The following AQP1 variants were observed in gnomAD, a reference collection of about 807,000 sequenced individuals.
AQP1 encodes aquaporin 1 (Colton blood group), also known as aquaporin-1.
AQP1 carries 11 observed loss-of-function variants against 19.7 expected under a neutral mutation model. The observed-to-expected ratio is 0.56, with a 90% confidence interval of 0.35 to 0.92. The LOEUF (loss-of-function observed/expected upper bound fraction) is 0.92, where lower values mean the gene tolerates loss of function less well. AQP1 is among the 40% of genes least tolerant of loss of function. The pLI is 0.01. For synonymous variants in AQP1, 159 were observed against 166.7 expected (o/e 0.95, Z 0.36); for missense variants, 320 against 369.7 (o/e 0.87, Z 1.10).
In AQP1 at chr7:30,922,200, C is replaced by T. The variant is rs1366481217; in HGVS notation, c.519C>T (p.Gly173=). The T allele has an allele frequency of 6.2e-7, 1 of 1,610,300 alleles. No individual in the cohort carries two copies. The highest frequency in any genetic ancestry group is 1.3e-5 in the African/African-American group (1 of 74,930). ...GTGGCTCAGCCCCCCTTGCCATCGG[C>T]CTCTCTGTAGCCCTTGGACACCTCC... The part of the protein sequence containing the change: ...DLGGSAPLAI[G]LSVALGHLLA... The change falls in exon 2 of 4, where the codon GGC becomes GGT. Residue 173 remains glycine, a synonymous_variant. Coordinates refer to ENST00000311813, the MANE Select transcript of AQP1 (RefSeq NM_198098.4).
chr7:30,922,043 C>T, intron 1 of AQP1, 23 bp from the exon 2 acceptor site: 2 of 1,613,318 alleles, frequency 1.2e-6, no homozygotes, highest in Non-Finnish European at 1.7e-6. Context: ...CTCACCAGTC[C>T]TCACCACCTC....
intron 1 of AQP1, among the ~76,000 whole-genome samples, chr7:30,917,243 A>G (rs1004317): frequency 0.52 from 79,120 of 152,056 alleles, 23,252 homozygotes; most frequent in African/African-American, 0.82. Context: ...TCTTACGTGG[A>G]GGACACACAC....
chr7:30,912,078 G>C lies in AQP1; in HGVS notation c.169G>C (p.Gly57Arg). The C allele has an allele frequency of 1.2e-6, 2 of 1,613,348 alleles. No homozygotes were observed. Among genetic ancestry groups the C allele is most frequent in the Non-Finnish European group, 1.7e-6 (2 of 1,180,040 alleles). The change falls in exon 1 of 4, where the codon GGG (glycine) becomes CGG (arginine). Residue 57 changes from glycine (G) to arginine (R), a missense_variant. Coordinates refer to ENST00000311813, the MANE Select transcript of AQP1 (RefSeq NM_198098.4). This position sits in a 1 kb window ranked among gnomAD's most constrained non-coding sequence, Gnocchi z 4.3. ...CAACGTGAAGGTGTCGCTGGCCTTCGGGCTGAGCATCGCCACGCTGGCGCA... is the reference window on the plus strand; with the variant it reads ...CAACGTGAAGGTGTCGCTGGCCTTCCGGCTGAGCATCGCCACGCTGGCGCA... ...QDNVKVSLAF[G>R]LSIATLAQSV...
rs983133460 is a variant in AQP1, at chr7:30,923,458, G to C, written c.639G>C (p.Trp213Cys). Residue 213 changes from tryptophan to cysteine, a missense_variant, in exon 4 of 4, where the codon TGG becomes TGC. Trp to Cys is a radical substitution (Grantham distance 215). Transcript: ENST00000311813. This position sits in a 1 kb window ranked among gnomAD's most constrained non-coding sequence, Gnocchi z 4.8. The part of the protein sequence containing the change: ...THNFSNHWIF[W>C]VGPFIGGALA... ...ACCTGCTCTGTTCCTAGATTTTCTG[G>C]GTGGGGCCATTCATCGGGGGAGCCC... is the stretch of plus-strand genomic sequence containing the variant. 9 of 1,613,806 alleles carry C rather than the reference G, an allele frequency of 5.6e-6. No homozygotes were observed. The highest frequency in any genetic ancestry group is 1.7e-5 in the Admixed American group (1 of 60,006).
Position 30,922,203 on chromosome 7 carries a change from C to T in AQP1, c.522C>T (p.Leu174=). ...LGGSAPLAIG[L]SVALGHLLAI... ...GCTCAGCCCCCCTTGCCATCGGCCT[C>T]TCTGTAGCCCTTGGACACCTCCTGG... Residue 174 remains leucine (L), a synonymous_variant, in exon 2 of 4, where the codon CTC becomes CTT. Transcript: ENST00000311813. The T allele has an allele frequency of 6.2e-7, 1 of 1,609,476 alleles. No homozygotes were observed. The highest frequency in any genetic ancestry group is 8.5e-7 in the Non-Finnish European group (1 of 1,179,770).
chr7:30,917,817 G>T (rs1015695805), intron 1 of AQP1, among the ~76,000 whole-genome samples: 1 of 152,108 alleles, frequency 6.6e-6, no homozygotes, highest in Non-Finnish European at 1.5e-5. Context: ...CATGTTATTG[G>T]TAGTTTTCGG....
intron 1 of AQP1, among the ~76,000 whole-genome samples, chr7:30,918,567 G>A (rs1037307213): frequency 6.6e-6 from 1 of 152,182 alleles, no homozygotes; most frequent in African/African-American, 2.4e-5. Context: ...GGCAGGCCTC[G>A]ATGTCTCCTA....
At chr7:30,922,008 T>G in intron 1 of AQP1, 58 bp from the exon 2 acceptor site, 2 of 1,608,352 alleles carry the variant, frequency 1.2e-6, no homozygotes, top group Non-Finnish European at 1.7e-6. Context: ...CTTGGGGTCC[T>G]GGGACACAGT....
rs575472927 is a variant in AQP1 at position 30,923,587 on chromosome 7, T to C, written c.768T>C (p.Asp256=). The C allele has an allele frequency of 1.9e-6, 3 of 1,600,060 alleles. No homozygotes were observed. The highest frequency in any genetic ancestry group is 2.6e-6 in the Non-Finnish European group (3 of 1,173,314). Reference sequence around the variant, plus strand: ...GCCAGGTGGAGGAGTATGACCTGGATGCCGACGACATCAACTCCAGGGTGG... The same window carrying C: ...GCCAGGTGGAGGAGTATGACCTGGACGCCGACGACATCAACTCCAGGGTGG... The part of the protein sequence containing the change: ...TSGQVEEYDL[D]ADDINSRVEM... Residue 256 remains aspartate (D), a synonymous_variant, in exon 4 of 4, where the codon GAT becomes GAC. Transcript: ENST00000311813. The surrounding 1 kb of genome is among the most constrained non-coding windows in gnomAD (Gnocchi z 4.8).
In AQP1 at chr7:30,922,592, C is replaced by G; in HGVS notation, c.578C>G (p.Pro193Arg). Reference sequence around the variant, plus strand: ...GACTACACTGGCTGTGGGATTAACCCTGCTCGGTCCTTTGGCTCCGCGGTG... The same window carrying G: ...GACTACACTGGCTGTGGGATTAACCGTGCTCGGTCCTTTGGCTCCGCGGTG... ...AIDYTGCGIN[P>R]ARSFGSAVIT... is the part of the protein sequence containing the mutation. The change falls in exon 3 of 4, where the codon CCT (proline) becomes CGT (arginine). Residue 193 changes from proline to arginine, a missense_variant. Pro to Arg is a moderately radical substitution (Grantham distance 103). Coordinates refer to ENST00000311813, the MANE Select transcript of AQP1 (RefSeq NM_198098.4). 1 of 1,614,182 alleles carries G rather than the reference C, an allele frequency of 6.2e-7. No homozygotes were observed. The highest frequency in any genetic ancestry group is 1.1e-5 in the South Asian group (1 of 91,082).
rs1234796373 is a variant in AQP1, at chr7:30,924,117, AGCTTT to A, written c.*492_*496del. 22 of 1,193,250 alleles carry A rather than the reference AGCTTT, an allele frequency of 1.8e-5. No homozygotes were observed. In the East Asian group the frequency reaches 1.2e-3, roughly 67 times the overall value. 73.9% of individuals were successfully genotyped at this position (1,193,250 alleles called of 1,614,324 possible). On this transcript the variant is annotated 3_prime_UTR_variant, in exon 4 of 4. Transcript: ENST00000311813. ...CCCAGGAGGTGCAGTGGAGGGGGCAAGCTTTGCTCCTTCAGTTCTGCTTGCTCCCA... is the reference window on the plus strand; with the variant it reads ...CCCAGGAGGTGCAGTGGAGGGGGCAAGCTCCTTCAGTTCTGCTTGCTCCCA...
At chr7:30,918,224 C>A (rs1330495336) in intron 1 of AQP1, among the ~76,000 whole-genome samples, 1 of 152,164 alleles carries the variant, frequency 6.6e-6, no homozygotes, top group Non-Finnish European at 1.5e-5. Flanking sequence ...GATCTCCTGA[C>A]CTTGTGATCC....
rs895240560 is a variant in AQP1, at chr7:30,924,068, A to C, written c.*439A>C. 1 of 1,230,222 alleles carries C rather than the reference A, an allele frequency of 8.1e-7. No homozygotes were observed. Among genetic ancestry groups the C allele is most frequent in the Non-Finnish European group, 1.0e-6 (1 of 959,650 alleles). The allele number at this position is 1,230,222 out of a possible 1,614,324, so 76.2% of individuals were successfully genotyped here. On this transcript the variant is annotated 3_prime_UTR_variant, in exon 4 of 4. Coordinates refer to ENST00000311813, the MANE Select transcript of AQP1 (RefSeq NM_198098.4). ...TTTCCTAACATGCACCTTGCTCCCAATGGTGCTTGGAGGGGGAAGAGATCC... is the reference window on the plus strand; with the variant it reads ...TTTCCTAACATGCACCTTGCTCCCACTGGTGCTTGGAGGGGGAAGAGATCC...
At chr7:30,914,342 A>T (rs1221401238) in intron 1 of AQP1, among the ~76,000 whole-genome samples, 2 of 152,124 alleles carry the variant, frequency 1.3e-5, no homozygotes, top group African/African-American at 4.8e-5. Flanking sequence ...TCGAGAGGGA[A>T]CTCAGGTCTT....
At chr7:30,922,730 T>C in intron 3 of AQP1, 86 bp downstream of exon 3, 1 of 1,350,254 alleles carries the variant, frequency 7.4e-7, no homozygotes, top group South Asian at 1.2e-5. Flanking sequence ...CTTCCTGTTC[T>C]GGAGGCTCTG....
chr7:30,914,426 G>A (rs1013155892), intron 1 of AQP1, among the ~76,000 whole-genome samples: 4 of 152,238 alleles, frequency 2.6e-5, no homozygotes, highest in Admixed American at 6.5e-5. Context: ...CACGAAAGCT[G>A]GCTAAGAGCA....
At position 30,924,330 on chromosome 7, in the gene AQP1, C is replaced by T. The variant is rs1461057589; in HGVS notation, c.*701C>T. On this transcript the variant is annotated 3_prime_UTR_variant, in exon 4 of 4. Transcript: ENST00000311813. ...GACCAGGGCTGCTCTTTCCACTTGCCCTGTGTTCTTTCCCCAGGGGCATGA... is the reference window on the plus strand; with the variant it reads ...GACCAGGGCTGCTCTTTCCACTTGCTCTGTGTTCTTTCCCCAGGGGCATGA... The T allele has an allele frequency of 5.3e-6, 1 of 188,676 alleles. No homozygotes were observed. The highest frequency in any genetic ancestry group is 1.1e-5 in the Non-Finnish European group (1 of 90,452). The allele number at this position is 188,676 out of a possible 1,614,324, so 11.7% of individuals were successfully genotyped here.
chr7:30,917,602 G>C (rs948705423), intron 1 of AQP1, among the ~76,000 whole-genome samples: 1 of 152,154 alleles, frequency 6.6e-6, no homozygotes, highest in Non-Finnish European at 1.5e-5. Context: ...AGACATACCA[G>C]TGCAAACACA....
At chr7:30,921,814 C>A (rs997877079) in intron 1 of AQP1, 1 of 1,550,284 alleles carries the variant, frequency 6.5e-7, no homozygotes, top group African/African-American at 1.4e-5. Flanking sequence ...AGCTTCTAGG[C>A]AGAGTGGGGC....
Sources: gnomAD v4.1 joint callset for allele counts (sites outside exome capture counted in the v4.1 genomes callset) on GRCh38, gnomAD v4.1.1 for gene constraint, Gnocchi (gnomAD v3.1) non-coding constraint, MANE v1.5 for transcripts, NCBI Gene and HGNC (gene_info 2026-07-23, HGNC 2026-07-21) for gene names.